The following RGS22 variants were observed in gnomAD, a reference collection of about 807,000 sequenced individuals.
RGS22 encodes the protein regulator of G-protein signaling 22.
In RGS22, 148 loss-of-function variants were observed where a neutral mutation model predicts 172.9. The ratio of observed to expected loss-of-function variants is 0.86; its 90% CI spans 0.75 to 0.98. The LOEUF is 0.98. Ranked by LOEUF, RGS22 falls within the 50% of genes least tolerant of loss-of-function variation. The pLI is 0.00. For synonymous variants in RGS22, 458 were observed against 480.2 expected (o/e 0.95, Z 0.60); for missense variants, 1,347 against 1,440.8 (o/e 0.93, Z 1.05).
chr8:100,098,074 T>C (rs544696272), intron 2 of RGS22, among the ~76,000 whole-genome samples: 7 of 152,326 alleles, frequency 4.6e-5, no homozygotes, highest in African/African-American at 1.4e-4. Flanking sequence ...TTCACGTACC[T>C]ATCTTTTTTC....
chr8:99,987,754 C>T (rs1190747689), intron 20 of RGS22, 135 bp from the exon 21 acceptor site: 1 of 530,558 alleles, frequency 1.9e-6, no homozygotes, highest in East Asian at 3.2e-5. Context: ...TCACCTATTC[C>T]TTTCTCTTTT....
intron 1 of RGS22, 63 bp downstream of exon 1, chr8:100,105,834 T>C (rs1464772258): frequency 7.1e-7 from 1 of 1,401,622 alleles, no homozygotes; most frequent in Admixed American, 2.4e-5. Context: ...GTCCAGAGGC[T>C]GGCGCGTGGT....
Position 99,962,980 on chromosome 8 carries a change from TAAAAAAAG to T in RGS22, c.3616-10_3616-3del. ...ATACTTTGAGTAGCACCAGGTTGGC[TAAAAAAAG>T]CAATTTTCAAAGTTAATTCTGAAAT... On this transcript the variant is annotated splice_polypyrimidine_tract_variant and splice_region_variant and intron_variant, in intron 24 of 27. Coordinates refer to ENST00000360863, the MANE Select transcript of RGS22 (RefSeq NM_015668.5). The T allele has an allele frequency of 6.4e-7, 1 of 1,555,754 alleles. No homozygotes were observed. Among genetic ancestry groups the T allele is most frequent in the Non-Finnish European group, 8.6e-7 (1 of 1,161,476 alleles).
rs1490132956 is a variant in RGS22, at chr8:99,962,373, A to G, written c.*45+21T>C. 5.8e-6 allele frequency: 9 copies of G among 1,552,432 alleles called. No individual in the cohort carries two copies. In the Admixed American group the frequency reaches 8.4e-5, roughly 14 times the overall value. On this transcript the variant is annotated intron_variant, in intron 27 of 27. Transcript: ENST00000360863. ...TACGAGGACATGTGTGGGACCAACC[A>G]ACATTCAGACTATGACGTACCTTGA...
rs1285065788 is a variant in RGS22, at chr8:100,093,427, GATC to G, written c.117+17_117+19del. 1.4e-6 allele frequency: 2 copies of G among 1,445,606 alleles called. No homozygotes were observed. Among genetic ancestry groups the G allele is most frequent in the Non-Finnish European group, 1.9e-6 (2 of 1,039,896 alleles). 89.5% of individuals were successfully genotyped at this position (1,445,606 alleles called of 1,614,324 possible). A position where few individuals can be genotyped will look rare whatever the true frequency, so the allele number is the denominator to read the frequency against. ...TTGCTTTGATAATATATATTCAATA[GATC>G]ATAATAATAAACTCACTGGAAGGCT... On this transcript the variant is annotated intron_variant, in intron 3 of 27. Coordinates refer to ENST00000360863, the MANE Select transcript of RGS22 (RefSeq NM_015668.5).
At chr8:100,093,542 TA>T in intron 2 of RGS22, 33 bp from the exon 3 acceptor site, 1 of 1,391,128 alleles carries the variant, frequency 7.2e-7, no homozygotes, top group African/African-American at 1.5e-5. Flanking sequence ...CACAGTATTA[TA>T]ATTATACATT....
chr8:100,034,566 A>T (rs956582332), intron 14 of RGS22, among the ~76,000 whole-genome samples: 19 of 152,242 alleles, frequency 1.2e-4, no homozygotes, highest in Non-Finnish European at 2.5e-4. Flanking sequence ...ATTCAATGCC[A>T]TCCCCATCAA....
rs1167065678 is a variant in RGS22, at chr8:100,063,467, C to T, written c.1301G>A (p.Trp434Ter). The T allele has an allele frequency of 2.5e-6, 4 of 1,612,948 alleles. No individual in the cohort carries two copies. The South Asian group carries it at 4.4e-5, about 18-fold the overall frequency. ...AACTTTTAACCTCTCAATATCCATC[C>T]ATAGCCACCAATATCTCTCTCCCAA... The part of the protein sequence containing the change: ...GTLGERYWWL[W>*]MDIERLKVLK... The change falls in exon 8 of 28, where the codon TGG becomes TAG. Residue 434 changes from tryptophan to a stop codon, truncating the protein, a stop_gained. Coordinates refer to ENST00000360863, the MANE Select transcript of RGS22 (RefSeq NM_015668.5). LOFTEE classifies it high-confidence loss of function.
At chr8:100,083,475 C>G (rs1235347349) in intron 3 of RGS22, among the ~76,000 whole-genome samples, 1 of 152,008 alleles carries the variant, frequency 6.6e-6, no homozygotes, top group Non-Finnish European at 1.5e-5. Flanking sequence ...TCAAGCGATT[C>G]TCTTGCCTCA....
intron 4 of RGS22, among the ~76,000 whole-genome samples, chr8:100,077,887 C>T (rs1374970679): frequency 6.6e-6 from 1 of 152,088 alleles, no homozygotes; most frequent in Admixed American, 6.6e-5. Context: ...GCATCATGTA[C>T]TCTGAACCTC....
chr8:100,105,310 G>T, intron 2 of RGS22, 64 bp downstream of exon 2: 1 of 1,270,826 alleles, frequency 7.9e-7, no homozygotes, highest in Non-Finnish European at 1.1e-6. Flanking sequence ...TTTCTTCTAT[G>T]ATCTAATATT....
At chr8:99,971,692 G>C (rs1306652170) in intron 23 of RGS22, among the ~76,000 whole-genome samples, 1 of 152,134 alleles carries the variant, frequency 6.6e-6, no homozygotes, top group Admixed American at 6.5e-5. Context: ...CATCTTCAAG[G>C]AGAACTACAA....
At chr8:100,000,989 T>A (rs1814978556) in intron 18 of RGS22, among the ~76,000 whole-genome samples, 2 of 151,718 alleles carry the variant, frequency 1.3e-5, no homozygotes, top group Admixed American at 1.3e-4. Flanking sequence ...TTGTATTTTA[T>A]TAATATATAC....
At chr8:100,078,739 A>G (rs184890959) in intron 4 of RGS22, among the ~76,000 whole-genome samples, 231 of 152,030 alleles carry the variant, frequency 1.5e-3, no homozygotes, top group African/African-American at 5.1e-3. Context: ...TGATCCTCCT[A>G]CCTCAGCCTC....
Position 100,058,091 on chromosome 8 carries a change from A to T in RGS22, c.1514+4500T>A, listed in dbSNP as rs116752840. ...CAACTCACATTTTGAAGAATGTATC[A>T]GAGTCTTAACAGCATAATTGATCAA... On this transcript the variant is annotated intron_variant, in intron 9 of 27. Coordinates refer to ENST00000360863, the MANE Select transcript of RGS22 (RefSeq NM_015668.5). 8.2e-3 allele frequency among the ~76,000 whole-genome samples: 1,243 copies of T among 152,010 alleles called. 20 individuals carry two copies. Among genetic ancestry groups the T allele is most frequent in the African/African-American group, 0.029 (1,187 of 41,464 alleles).
chr8:100,074,072 C>A (rs764821755), intron 4 of RGS22, among the ~76,000 whole-genome samples: 59 of 152,088 alleles, frequency 3.9e-4, no homozygotes, highest in Non-Finnish European at 3.5e-4. Flanking sequence ...AAAAAAATTT[C>A]TTTAAGTTGG....
chr8:100,087,073 T>C (rs1812220115), intron 3 of RGS22, among the ~76,000 whole-genome samples: 1 of 152,156 alleles, frequency 6.6e-6, no homozygotes, highest in Non-Finnish European at 1.5e-5. Context: ...GAAGCTCTCT[T>C]AAACATCAAG....
In RGS22 at chr8:100,071,648, T is replaced by A. The variant is rs563180013; in HGVS notation, c.426-111A>T. 221 of 698,048 alleles carry A rather than the reference T, an allele frequency of 3.2e-4. 3 individuals carry two copies. The highest frequency in any genetic ancestry group is 2.6e-3 in the South Asian group (89 of 34,506). 43.2% of individuals were successfully genotyped at this position (698,048 alleles called of 1,614,324 possible). A position where few individuals can be genotyped will look rare whatever the true frequency, so the allele number is the denominator to read the frequency against. On this transcript the variant is annotated intron_variant, in intron 5 of 27. Transcript: ENST00000360863. ...GCCAATCTCCTCTCCTCACTCTTGA[T>A]GATGATTTTCTTTGGCTCTGCTAAA...
At chr8:100,094,792 T>C (rs1812837782) in intron 2 of RGS22, among the ~76,000 whole-genome samples, 1 of 152,240 alleles carries the variant, frequency 6.6e-6, no homozygotes, top group East Asian at 1.9e-4. Context: ...TAATTCCTAC[T>C]GTATTTAGTG....
Sources: allele counts gnomAD v4.1 joint callset (sites outside exome capture counted in the v4.1 genomes callset), GRCh38; gene constraint gnomAD v4.1.1; transcripts MANE v1.5; gene names NCBI Gene and HGNC (gene_info 2026-07-23, HGNC 2026-07-21).